The following PTPRO variants were observed in gnomAD, a reference collection of about 807,000 sequenced individuals.
The protein encoded by PTPRO is protein tyrosine phosphatase receptor type O.
PTPRO carries 62 observed loss-of-function variants against 145.2 expected under a neutral mutation model. The observed-to-expected ratio is 0.43, with a 90% CI of 0.35 to 0.53. The LOEUF is 0.53. Ranked by LOEUF, PTPRO falls within the 20% of genes least tolerant of loss-of-function variation. The pLI, the probability that PTPRO is intolerant of heterozygous loss-of-function variation, is 0.01. For missense variants in PTPRO, 1,345 were observed against 1,482.7 expected, an observed-to-expected ratio of 0.91 and a Z score of 1.53; for synonymous variants, 565 against 514.7, an observed-to-expected ratio of 1.10 and a Z score of -1.32.
intron 1 of PTPRO, among the ~76,000 whole-genome samples, chr12:15,463,324 C>T (rs963728091): frequency 6.6e-6 from 1 of 152,066 alleles, no homozygotes; most frequent in African/African-American, 2.4e-5. Context: ...CATCTTAGCC[C>T]GGTGAATGAA....
At chr12:15,337,347 C>T (rs948611965) in intron 1 of PTPRO, 6 of 152,170 alleles carry the variant, frequency 3.9e-5, no homozygotes, top group African/African-American at 7.2e-5. Context: ...TAAACTGAAT[C>T]AGAGTGATTA....
intron 4 of PTPRO, among the ~76,000 whole-genome samples, chr12:15,500,956 G>A (rs1382963639): frequency 6.6e-6 from 1 of 152,144 alleles, no homozygotes; most frequent in Non-Finnish European, 1.5e-5. Flanking sequence ...CATGGAAGAG[G>A]TGATAATGGA....
At chr12:15,529,642 C>G (rs1386230190) in intron 12 of PTPRO, among the ~76,000 whole-genome samples, 2 of 151,908 alleles carry the variant, frequency 1.3e-5, no homozygotes, top group African/African-American at 4.8e-5. Flanking sequence ...AGAGCAAGAC[C>G]CCCATCTTAA....
intron 15 of PTPRO, among the ~76,000 whole-genome samples, chr12:15,554,263 G>A (rs1203299941): frequency 6.6e-6 from 1 of 152,154 alleles, no homozygotes; most frequent in Non-Finnish European, 1.5e-5. Context: ...GCCATCAACT[G>A]AGAGAGGATT....
chr12:15,508,415 T>A (rs1303835595), intron 6 of PTPRO, among the ~76,000 whole-genome samples, 156 bp from the exon 7 acceptor site: 1 of 152,180 alleles, frequency 6.6e-6, no homozygotes, highest in Non-Finnish European at 1.5e-5. Flanking sequence ...GGGTTGCAGC[T>A]GGGCAGAGGA....
intron 2 of PTPRO, among the ~76,000 whole-genome samples, chr12:15,490,633 A>G (rs1232139499): frequency 6.6e-6 from 1 of 152,204 alleles, no homozygotes; most frequent in Non-Finnish European, 1.5e-5. Context: ...GTATCATTAT[A>G]ATATGTAATA....
At chr12:15,368,734 A>G (rs138731824) in intron 1 of PTPRO, among the ~76,000 whole-genome samples, 408 of 152,354 alleles carry the variant, frequency 2.7e-3, no homozygotes, top group African/African-American at 9.1e-3. Flanking sequence ...CTTTTAAAAT[A>G]TATCTCCTTA....
At position 15,322,684 on chromosome 12, in the gene PTPRO, T is replaced by A; in HGVS notation, c.-43T>A. Reference sequence around the variant, plus strand: ...CCATTGTGAGCCGCCGCCGGGGGAGTCCGCTAGCGCAGCCGTGCCCCCGAG... The same window carrying A: ...CCATTGTGAGCCGCCGCCGGGGGAGACCGCTAGCGCAGCCGTGCCCCCGAG... On this transcript the variant is annotated 5_prime_UTR_variant, in exon 1 of 27. Coordinates refer to ENST00000281171, the MANE Select transcript of PTPRO (RefSeq NM_030667.3). The surrounding 1 kb of genome is among the most constrained non-coding windows in gnomAD (Gnocchi z 6.3). 1 of 1,552,194 alleles carries A rather than the reference T, an allele frequency of 6.4e-7. No homozygotes were observed. Among genetic ancestry groups the A allele is most frequent in the Non-Finnish European group, 8.8e-7 (1 of 1,135,936 alleles).
Position 15,516,785 on chromosome 12 carries a change from A to G in PTPRO, c.1608A>G (p.Leu536=), listed in dbSNP as rs748679537. The change falls in exon 9 of 27, where the codon TTA becomes TTG. Residue 536 remains leucine, a synonymous_variant. Transcript: ENST00000281171. ...FAIVPTGIKD[L]MLYPLGPTAV... is the part of the protein sequence containing the mutation. ...TAGTTCCCACAGGAATAAAGGATTT[A>G]ATGCTCTATCCTTTGGGTCCTACGG... 6.2e-7 allele frequency: 1 copy of G among 1,610,298 alleles called. No homozygotes were observed. The highest frequency in any genetic ancestry group is 1.7e-5 in the Admixed American group (1 of 60,028).
At chr12:15,469,621 G>A (rs1043343892) in intron 1 of PTPRO, among the ~76,000 whole-genome samples, 14 of 152,230 alleles carry the variant, frequency 9.2e-5, no homozygotes, top group African/African-American at 3.4e-4. Flanking sequence ...AGCTCAGGCT[G>A]TCATTTGCAG....
intron 1 of PTPRO, among the ~76,000 whole-genome samples, chr12:15,467,414 G>A (rs576000836): frequency 6.9e-6 from 1 of 145,640 alleles, no homozygotes; most frequent in East Asian, 2.6e-4. Flanking sequence ...GGGTGAGTGT[G>A]TGTGTGTGTG....
In PTPRO at chr12:15,520,263, A is replaced by G. The variant is rs1176672722; in HGVS notation, c.1842A>G (p.Gly614=). ...TCCGGGTTACCATGGTGACGTGGGG[A>G]GATCCAGAATTGAGCTGCTGTGACA... ...YNFRVTMVTW[G]DPELSCCDSS... is the part of the protein sequence containing the mutation. Residue 614 remains glycine (G), a synonymous_variant, in exon 10 of 27, where the codon GGA becomes GGG. Transcript: ENST00000281171. 6.2e-7 allele frequency: 1 copy of G among 1,613,834 alleles called. No individual in the cohort carries two copies. Among genetic ancestry groups the G allele is most frequent in the Non-Finnish European group, 8.5e-7 (1 of 1,179,872 alleles).
Position 15,535,249 on chromosome 12 carries a change from G to A in PTPRO, c.2164+8987G>A, listed in dbSNP as rs141191027. On this transcript the variant is annotated intron_variant, in intron 12 of 26. Coordinates refer to ENST00000281171, the MANE Select transcript of PTPRO (RefSeq NM_030667.3). ...GAAGGCCAGGGGAGAATTCTGGGCT[G>A]GAAATATAAATTTGGAAGTGTCTGG... Among the ~76,000 whole-genome samples, 86 of 152,222 alleles carry A rather than the reference G, an allele frequency of 5.6e-4. 1 individual carries two copies. In the East Asian group the frequency reaches 0.016, roughly 28 times the overall value.
chr12:15,491,528 T>C (rs980687667), intron 2 of PTPRO, among the ~76,000 whole-genome samples: 5 of 152,204 alleles, frequency 3.3e-5, no homozygotes, highest in African/African-American at 1.2e-4. Context: ...GCATAAAATA[T>C]TGTTCAATTT....
At chr12:15,459,551 G>C (rs552193126) in intron 1 of PTPRO, among the ~76,000 whole-genome samples, 63 of 152,278 alleles carry the variant, frequency 4.1e-4, no homozygotes, top group African/African-American at 1.5e-3. Context: ...CAGTGTGGTT[G>C]GTTTTTTGTT....
chr12:15,382,968 G>A (rs1396711715), intron 1 of PTPRO, among the ~76,000 whole-genome samples: 1 of 152,108 alleles, frequency 6.6e-6, no homozygotes, highest in African/African-American at 2.4e-5. Context: ...TTTGTGGTGA[G>A]AACATTAAAA....
chr12:15,541,108 A>G (rs1340880356), intron 12 of PTPRO, among the ~76,000 whole-genome samples: 3 of 152,208 alleles, frequency 2.0e-5, no homozygotes, highest in African/African-American at 7.2e-5. Flanking sequence ...AATATCATGG[A>G]CTGTGAAGTT....
chr12:15,487,983 G>A (rs1294940291), intron 2 of PTPRO, among the ~76,000 whole-genome samples: 2 of 152,114 alleles, frequency 1.3e-5, no homozygotes, highest in Non-Finnish European at 2.9e-5. Flanking sequence ...TCTTCCTGCT[G>A]TGCTTTGCCA....
intron 11 of PTPRO, among the ~76,000 whole-genome samples, chr12:15,525,406 G>C (rs1435410114): frequency 6.6e-6 from 1 of 152,160 alleles, no homozygotes; most frequent in Admixed American, 6.5e-5. Flanking sequence ...CAAACAAAAA[G>C]AGAGTGGCTC....
Sources: allele counts gnomAD v4.1 joint callset (sites outside exome capture counted in the v4.1 genomes callset), GRCh38; gene constraint gnomAD v4.1.1; non-coding constraint Gnocchi (gnomAD v3.1); transcripts MANE v1.5; gene names NCBI Gene and HGNC (gene_info 2026-07-23, HGNC 2026-07-21).